The following MYH4 variants were observed in gnomAD, a reference collection of about 807,000 sequenced individuals.
MYH4 encodes the protein myosin heavy chain 4, also known as myosin-4.
Under a neutral mutation model 229.9 loss-of-function variants are expected in MYH4, and 200 were observed. The ratio of observed to expected loss-of-function variants is 0.87; its 90% CI spans 0.78 to 0.98. The LOEUF is 0.98. Among genes scored for constraint, MYH4 ranks in the 50% least tolerant of loss-of-function variants. The pLI is 0.00. For synonymous variants in MYH4, 761 were observed against 834.6 expected (o/e 0.91, Z 1.52); for missense variants, 2,148 against 2,332.6 (o/e 0.92, Z 1.63).
In MYH4 at chr17:10,445,021, C is replaced by T; in HGVS notation, c.5421G>A (p.Leu1807=). 6.2e-7 allele frequency: 1 copy of T among 1,614,170 alleles called. No individual in the cohort carries two copies. The highest frequency in any genetic ancestry group is 8.5e-7 in the Non-Finnish European group (1 of 1,180,020). Reference sequence around the variant, plus strand: ...TCTGCTTCTTCCCACCCTTCAGCGCCAGCTGCTCAGCCTCATCCAGACGGA... The same window carrying T: ...TCTGCTTCTTCCCACCCTTCAGCGCTAGCTGCTCAGCCTCATCCAGACGGA... ...LQLRLDEAEQ[L]ALKGGKKQIQ... Residue 1807 remains leucine (L), a synonymous_variant, in exon 37 of 40, where the codon CTG becomes CTA. Transcript: ENST00000255381.
chr17:10,453,448 A>C, intron 23 of MYH4, 120 bp from the exon 24 acceptor site: 1 of 1,574,532 alleles, frequency 6.4e-7, no homozygotes, highest in Non-Finnish European at 8.6e-7. Context: ...ACCAGGAGCT[A>C]ACCCAGGCCT....
rs763592962 is a variant in MYH4, at chr17:10,447,254, A to G, written c.4966-38T>C. ...AGAAAAAGCCTCTTACTCATGCTGCACTTAAAGCAAATGCAAACTTATGGT... is the reference window on the plus strand; with the variant it reads ...AGAAAAAGCCTCTTACTCATGCTGCGCTTAAAGCAAATGCAAACTTATGGT... On this transcript the variant is annotated intron_variant, in intron 34 of 39. Transcript: ENST00000255381. 1.9e-6 allele frequency: 3 copies of G among 1,584,476 alleles called. 1 individual carries two copies. Among genetic ancestry groups the G allele is most frequent in the South Asian group, 2.2e-5 (2 of 89,568 alleles).
In MYH4 at chr17:10,454,744, C is replaced by T. The variant is rs1408526493; in HGVS notation, c.2502G>A (p.Met834Ile). The T allele has an allele frequency of 6.2e-7, 1 of 1,614,208 alleles. No homozygotes were observed. The change falls in exon 22 of 40, where the codon ATG (methionine) becomes ATA (isoleucine). Residue 834 changes from methionine to isoleucine, a missense_variant. Coordinates refer to ENST00000255381, the MANE Select transcript of MYH4 (RefSeq NM_017533.2). ...GGGGCTTGATCTTGAAATACAGCTT[C>T]ATCCAGGGCCAGTGCTTCACATTCA... ...AFMNVKHWPWMKLYFKIKPLL... is the reference protein window; with the variant it reads ...AFMNVKHWPWIKLYFKIKPLL...
Position 10,466,432 on chromosome 17 carries a change from A to G in MYH4, c.205-16T>C. 1 of 1,613,314 alleles carries G rather than the reference A, an allele frequency of 6.2e-7. No individual in the cohort carries two copies. The highest frequency in any genetic ancestry group is 8.5e-7 in the Non-Finnish European group (1 of 1,179,830). On this transcript the variant is annotated splice_polypyrimidine_tract_variant and intron_variant, in intron 3 of 39. Coordinates refer to ENST00000255381, the MANE Select transcript of MYH4 (RefSeq NM_017533.2). ...CAGTTACAGTCTGTTAAGAAAAGAAAAAACAAGTGCATATCAAATAAGTAG... is the reference window on the plus strand; with the variant it reads ...CAGTTACAGTCTGTTAAGAAAAGAAGAAACAAGTGCATATCAAATAAGTAG...
rs201059454 is a variant in MYH4 at position 10,447,148 on chromosome 17, A to G, written c.5034T>C (p.Val1678=). The G allele has an allele frequency of 3.7e-6, 6 of 1,614,104 alleles. No individual in the cohort carries two copies. The Admixed American group carries it at 1.0e-4, about 27-fold the overall frequency. Residue 1678 remains valine (V), a synonymous_variant, in exon 35 of 40, where the codon GTT becomes GTC. Coordinates refer to ENST00000255381, the MANE Select transcript of MYH4 (RefSeq NM_017533.2). The part of the protein sequence containing the change: ...QDDLKEQLAM[V]ERRANLMQAE... Reference sequence around the variant, plus strand: ...CCTGCATCAGGTTAGCTCTGCGCTCAACCATTGCCAGTTGTTCCTTAAGGT... The same window carrying G: ...CCTGCATCAGGTTAGCTCTGCGCTCGACCATTGCCAGTTGTTCCTTAAGGT...
At chr17:10,458,360 C>G (rs764134) in intron 15 of MYH4, among the ~76,000 whole-genome samples, 60,669 of 151,972 alleles carry the variant, frequency 0.4, 13,081 homozygotes, top group East Asian at 0.86. Flanking sequence ...GATACAGAAA[C>G]TGAAATACTA....
Position 10,445,038 on chromosome 17 carries a change from C to A in MYH4, c.5404G>T (p.Asp1802Tyr). ...QTVKDLQLRLDEAEQLALKGG... is the reference protein window; with the variant it reads ...QTVKDLQLRLYEAEQLALKGG... ...TTCAGCGCCAGCTGCTCAGCCTCAT[C>A]CAGACGGAGCTGCAGATCCTTCACG... Residue 1802 changes from aspartate (D) to tyrosine (Y), a missense_variant, in exon 37 of 40, where the codon GAT becomes TAT. By Grantham distance (160) the Asp-to-Tyr change is radical. Transcript: ENST00000255381. The A allele has an allele frequency of 6.2e-7, 1 of 1,614,030 alleles. No individual in the cohort carries two copies. Among genetic ancestry groups the A allele is most frequent in the Non-Finnish European group, 8.5e-7 (1 of 1,179,906 alleles).
chr17:10,446,038 A>G (rs1370258681), intron 35 of MYH4, among the ~76,000 whole-genome samples: 2 of 150,952 alleles, frequency 1.3e-5, no homozygotes, highest in African/African-American at 4.9e-5. Context: ...AAAAAAAAAA[A>G]AAAAAAAAAA....
At chr17:10,446,977 G>A in intron 35 of MYH4, 36 bp downstream of exon 35, 3 of 1,580,056 alleles carry the variant, frequency 1.9e-6, no homozygotes, top group Non-Finnish European at 1.7e-6. Context: ...TCAGCTTCAG[G>A]GAGTACATTT....
chr17:10,444,625 G>T lies in MYH4; in HGVS notation c.5646C>A (p.Tyr1882Ter). ...TCACAGCCTCTTCAGCTTGTCTCTT[G>T]TAAGCTTTGACTTTGGTTTGCAATT... ...VDKLQTKVKA[Y>*]KRQAEEAEEQ... The change falls in exon 39 of 40, where the codon TAC becomes TAA. Residue 1882 changes from tyrosine to a stop codon, truncating the protein, a stop_gained. Transcript: ENST00000255381. LOFTEE classifies it high-confidence loss of function. The T allele has an allele frequency of 6.2e-7, 1 of 1,613,736 alleles. No homozygotes were observed. Among genetic ancestry groups the T allele is most frequent in the Non-Finnish European group, 8.5e-7 (1 of 1,179,884 alleles).
Position 10,456,480 on chromosome 17 carries a change from T to G in MYH4, c.1968+5A>C, listed in dbSNP as rs893176356. On this transcript the variant is annotated splice_donor_5th_base_variant and intron_variant, in intron 17 of 39. Coordinates refer to ENST00000255381, the MANE Select transcript of MYH4 (RefSeq NM_017533.2). Reference sequence around the variant, plus strand: ...ATTTATCTGTAATTCAAGAATATACTGTACCCTGAAAAGAGCTGACACTGT... The same window carrying G: ...ATTTATCTGTAATTCAAGAATATACGGTACCCTGAAAAGAGCTGACACTGT... The G allele has an allele frequency of 6.2e-7, 1 of 1,610,806 alleles. No individual in the cohort carries two copies. The highest frequency in any genetic ancestry group is 8.5e-7 in the Non-Finnish European group (1 of 1,177,226).
chr17:10,455,630 C>A lies in MYH4; in HGVS notation c.2158G>T (p.Ala720Ser). 2 of 1,614,020 alleles carry A rather than the reference C, an allele frequency of 1.2e-6. No individual in the cohort carries two copies. Among genetic ancestry groups the A allele is most frequent in the East Asian group, 4.5e-5 (2 of 44,888 alleles). ...GACACAAACCTCTGTTTGAAGTCTGCATAAAGGATTCTGCTTGGGAAGCCT... is the reference window on the plus strand; with the variant it reads ...GACACAAACCTCTGTTTGAAGTCTGAATAAAGGATTCTGCTTGGGAAGCCT... ...RKGFPSRILY[A>S]DFKQRYKVLN... The change falls in exon 19 of 40, where the codon GCA (alanine) becomes TCA (serine). Residue 720 changes from alanine (A) to serine (S), a missense_variant. Ala to Ser is a moderately conservative substitution (Grantham distance 99, BLOSUM62 1). Transcript: ENST00000255381.
rs1597415704 is a variant in MYH4 at position 10,449,019 on chromosome 17, C to A, written c.4210G>T (p.Ala1404Ser). ...KKKLAQRLQD[A>S]EEHVEAVNSK... ...TTCACAGCTTCTACATGTTCTTCTG[C>A]ATCCTGCAGACGCTGGGCTAGCTTC... The change falls in exon 31 of 40, where the codon GCA becomes TCA. Residue 1404 changes from alanine to serine, a missense_variant. Ala to Ser is a moderately conservative substitution (Grantham distance 99, BLOSUM62 1). Coordinates refer to ENST00000255381, the MANE Select transcript of MYH4 (RefSeq NM_017533.2). The A allele has an allele frequency of 1.2e-6, 2 of 1,614,132 alleles. No homozygotes were observed. The highest frequency in any genetic ancestry group is 1.7e-6 in the Non-Finnish European group (2 of 1,180,014).
chr17:10,445,075 GTTC>G lies in MYH4; in HGVS notation c.5364_5366del (p.Lys1788del), dbSNP rs755154771. The G allele has an allele frequency of 3.7e-6, 6 of 1,614,010 alleles. No homozygotes were observed. The highest frequency in any genetic ancestry group is 1.6e-4 in the Middle Eastern group (1 of 6,084). On this transcript the variant is annotated inframe_deletion, in exon 37 of 40. Transcript: ENST00000255381. ...GCAGATCCTTCACGGTCTGCTCCAT[GTTC>G]TTCTTCATCCGCTCCAGGTGGGCGC... is the stretch of plus-strand genomic sequence containing the variant.
Position 10,462,916 on chromosome 17 carries a change from C to A in MYH4, c.957G>T (p.Gly319=). The A allele has an allele frequency of 6.2e-7, 1 of 1,614,082 alleles. No homozygotes were observed. The highest frequency in any genetic ancestry group is 8.5e-7 in the Non-Finnish European group (1 of 1,179,964). ...NPYDFAFVSQ[G]EITVPSIDDQ... ...CATCAATGCTGGGCACAGTAATTTC[C>A]CCTTGGCTGACAAATGCGAAGTCAT... is the stretch of plus-strand genomic sequence containing the variant. The change falls in exon 11 of 40, where the codon GGG becomes GGT. Residue 319 remains glycine (G), a synonymous_variant. Transcript: ENST00000255381.
At chr17:10,456,014 A>C in intron 17 of MYH4, 113 bp from the exon 18 acceptor site, 1 of 1,291,038 alleles carries the variant, frequency 7.7e-7, no homozygotes, top group Non-Finnish European at 1.1e-6. Flanking sequence ...AAGGAAAAAC[A>C]AATTATCATA....
Position 10,445,120 on chromosome 17 carries a change from C to T in MYH4, c.5322G>A (p.Lys1774=). ...TDAAMMAEEL[K]KEQDTSAHLE... ...GGTGGGCGCTGGTGTCCTGTTCCTTCTTCAGCTCCTCAGCCATCATGGCAG... is the reference window on the plus strand; with the variant it reads ...GGTGGGCGCTGGTGTCCTGTTCCTTTTTCAGCTCCTCAGCCATCATGGCAG... Residue 1774 remains lysine, a synonymous_variant, in exon 37 of 40, where the codon AAG becomes AAA. Transcript: ENST00000255381. 6.2e-7 allele frequency: 1 copy of T among 1,614,206 alleles called. No homozygotes were observed. The highest frequency in any genetic ancestry group is 8.5e-7 in the Non-Finnish European group (1 of 1,180,032).
Position 10,466,272 on chromosome 17 carries a change from C to G in MYH4, c.348+1G>C. On this transcript the variant is annotated splice_donor_variant, in intron 4 of 39. Transcript: ENST00000255381. LOFTEE classifies it high-confidence loss of function. Reference sequence around the variant, plus strand: ...AGAAATAGCGTTGAAAGGGTGCTCACGTAGATCATCCAGGCTGCGTAACGC... The same window carrying G: ...AGAAATAGCGTTGAAAGGGTGCTCAGGTAGATCATCCAGGCTGCGTAACGC... The G allele has an allele frequency of 1.2e-6, 2 of 1,613,796 alleles. No homozygotes were observed. The highest frequency in any genetic ancestry group is 1.7e-6 in the Non-Finnish European group (2 of 1,179,890).
Position 10,447,131 on chromosome 17 carries a change from A to C in MYH4, c.5051T>G (p.Leu1684Arg), listed in dbSNP as rs1212862819. The C allele has an allele frequency of 6.2e-7, 1 of 1,614,150 alleles. No homozygotes were observed. The highest frequency in any genetic ancestry group is 8.5e-7 in the Non-Finnish European group (1 of 1,180,018). ...GAGCTCTTCAACTTCAGCCTGCATC[A>C]GGTTAGCTCTGCGCTCAACCATTGC... is the stretch of plus-strand genomic sequence containing the variant. Reference protein sequence around the residue: ...QLAMVERRANLMQAEVEELRA... With the variant: ...QLAMVERRANRMQAEVEELRA... The change falls in exon 35 of 40, where the codon CTG becomes CGG. Residue 1684 changes from leucine (L) to arginine (R), a missense_variant. Leu to Arg is a moderately radical substitution (Grantham distance 102). Coordinates refer to ENST00000255381, the MANE Select transcript of MYH4 (RefSeq NM_017533.2).
Sources: gnomAD v4.1 joint callset for allele counts (sites outside exome capture counted in the v4.1 genomes callset) on GRCh38, gnomAD v4.1.1 for gene constraint, MANE v1.5 for transcripts, NCBI Gene and HGNC (gene_info 2026-07-23, HGNC 2026-07-21) for gene names.